The following CSMD1 variants were observed in gnomAD, a reference collection of about 807,000 sequenced individuals.
CSMD1 encodes the protein CUB and sushi domain-containing protein 1.
CSMD1 carries 213 observed loss-of-function variants against 417.5 expected under a neutral mutation model. That is an observed-to-expected ratio of 0.51 (90% CI 0.46 to 0.57). The LOEUF (loss-of-function observed/expected upper bound fraction) is 0.57, where lower values mean the gene tolerates loss of function less well. Ranked by LOEUF, CSMD1 falls within the 20% of genes least tolerant of loss-of-function variation. The pLI, the probability that CSMD1 is intolerant of heterozygous loss-of-function variation, is 0.00. For synonymous variants in CSMD1, 2,862 were observed against 1,736.8 expected (o/e 1.65, Z -16.11); for missense variants, 6,923 against 4,529.7 (o/e 1.53, Z -15.17).
rs781523536 is a variant in CSMD1, at chr8:3,369,355, T to C, written c.2798A>G (p.Tyr933Cys). ...GACTGTTCCACTCTTCCCTTGGATG[T>C]AGCCTCCACATAGAGCTTAAAATAA... ...LPSCDALCGG[Y>C]IQGKSGTVLS... Residue 933 changes from tyrosine (Y) to cysteine (C), a missense_variant, in exon 19 of 70, where the codon TAC becomes TGC. By Grantham distance (194) the Tyr-to-Cys change is radical (BLOSUM62 -2). Coordinates refer to ENST00000635120, the MANE Select transcript of CSMD1 (RefSeq NM_033225.6). The C allele has an allele frequency of 3.8e-6, 6 of 1,563,490 alleles. No homozygotes were observed. Among genetic ancestry groups the C allele is most frequent in the East Asian group, 2.2e-5 (1 of 44,580 alleles).
chr8:4,575,603 G>C, intron 2 of CSMD1, among the ~76,000 whole-genome samples: 1 of 152,122 alleles, frequency 6.6e-6, no homozygotes, highest in Admixed American at 6.5e-5. Context: ...ATTATGATAT[G>C]GTAGACATGT....
At chr8:4,904,590 C>G (rs1025479716) in intron 1 of CSMD1, among the ~76,000 whole-genome samples, 1 of 152,050 alleles carries the variant, frequency 6.6e-6, no homozygotes. Context: ...TAGTGAATAT[C>G]ATTAAGCACA....
At position 4,372,494 on chromosome 8, in the gene CSMD1, C is replaced by CAAA. The variant is rs71534395; in HGVS notation, c.415+47456_415+47458dup. On this transcript the variant is annotated intron_variant, in intron 3 of 69. Coordinates refer to ENST00000635120, the MANE Select transcript of CSMD1 (RefSeq NM_033225.6). ...TAAGTGTCACTTAAAACAACAACAACAAAAAACAGAAAAAAAGTCCTCTAA... is the reference window on the plus strand; with the variant it reads ...TAAGTGTCACTTAAAACAACAACAACAAAAAAAAACAGAAAAAAAGTCCTCTAA... Among the ~76,000 whole-genome samples the CAAA allele has an allele frequency of 2.0e-4, 31 of 151,508 alleles. No individual in the cohort carries two copies. The South Asian group carries it at 3.1e-3, about 15-fold the overall frequency.
chr8:4,004,967 A>G (rs1815992048), intron 4 of CSMD1, among the ~76,000 whole-genome samples: 1 of 152,124 alleles, frequency 6.6e-6, no homozygotes, highest in Non-Finnish European at 1.5e-5. Flanking sequence ...GATGGTCTCA[A>G]TCTCCTGACC....
At chr8:4,044,553 C>A (rs955937497) in intron 3 of CSMD1, among the ~76,000 whole-genome samples, 2 of 152,176 alleles carry the variant, frequency 1.3e-5, no homozygotes, top group Admixed American at 1.3e-4. Context: ...ATCTGTGATT[C>A]TACCACGGCA....
At chr8:3,532,769 T>C (rs1798035586) in intron 10 of CSMD1, among the ~76,000 whole-genome samples, 2 of 152,196 alleles carry the variant, frequency 1.3e-5, no homozygotes, top group Non-Finnish European at 2.9e-5. Context: ...AACATAATAA[T>C]GGTGAAGACT....
chr8:3,549,351 C>G (rs1459698385), intron 10 of CSMD1, among the ~76,000 whole-genome samples: 3 of 152,194 alleles, frequency 2.0e-5, no homozygotes, highest in African/African-American at 4.8e-5. Context: ...TGTTCTAGGC[C>G]AAGTGGTCTC....
At chr8:2,986,252 G>C (rs1805901918) in intron 54 of CSMD1, among the ~76,000 whole-genome samples, 1 of 152,186 alleles carries the variant, frequency 6.6e-6, no homozygotes, top group African/African-American at 2.4e-5. Context: ...CCAGGCACTT[G>C]GCCAAGCATT....
At chr8:3,143,549 T>C (rs1305158197) in intron 40 of CSMD1, among the ~76,000 whole-genome samples, 1 of 152,228 alleles carries the variant, frequency 6.6e-6, no homozygotes, top group Non-Finnish European at 1.5e-5. Flanking sequence ...GAAAACTTAT[T>C]TGACTACTAT....
chr8:4,445,225 T>C (rs1224693670), intron 2 of CSMD1, among the ~76,000 whole-genome samples: 1 of 152,194 alleles, frequency 6.6e-6, no homozygotes, highest in Non-Finnish European at 1.5e-5. Context: ...CTTCATTGTT[T>C]GACCATTATT....
At chr8:3,080,348 G>C (rs550734045) in intron 49 of CSMD1, among the ~76,000 whole-genome samples, 1 of 152,340 alleles carries the variant, frequency 6.6e-6, no homozygotes, top group East Asian at 1.9e-4. Context: ...TTTAAGGCAG[G>C]AAATGAAGCC....
intron 5 of CSMD1, among the ~76,000 whole-genome samples, chr8:3,891,148 A>C (rs1161504379): frequency 1.3e-5 from 2 of 151,918 alleles, no homozygotes; most frequent in Non-Finnish European, 2.9e-5. Flanking sequence ...TCTTGGGCTT[A>C]AGTGATCCTC....
At chr8:3,311,286 G>A (rs1365779231) in intron 23 of CSMD1, among the ~76,000 whole-genome samples, 4 of 152,008 alleles carry the variant, frequency 2.6e-5, no homozygotes, top group Admixed American at 6.6e-5. Flanking sequence ...CAGTCTGTCT[G>A]TTGCCCAGGC....
chr8:4,012,377 C>G (rs568622034), intron 4 of CSMD1, among the ~76,000 whole-genome samples: 1 of 152,192 alleles, frequency 6.6e-6, no homozygotes, highest in East Asian at 1.9e-4. Flanking sequence ...TCATTCATTG[C>G]CTTGTTGATC....
chr8:4,845,935 A>G (rs549174295), intron 1 of CSMD1, among the ~76,000 whole-genome samples: 1 of 152,306 alleles, frequency 6.6e-6, no homozygotes, highest in Non-Finnish European at 1.5e-5. Flanking sequence ...AACTTTGCCT[A>G]TTTTGCATAC....
At chr8:4,841,033 G>C (rs948743744) in intron 1 of CSMD1, among the ~76,000 whole-genome samples, 2 of 152,186 alleles carry the variant, frequency 1.3e-5, no homozygotes, top group Non-Finnish European at 2.9e-5. Flanking sequence ...GCTCCACCCT[G>C]TCAGCACCAA....
At chr8:3,041,414 A>C (rs545657052) in intron 50 of CSMD1, among the ~76,000 whole-genome samples, 1 of 152,330 alleles carries the variant, frequency 6.6e-6, no homozygotes, top group African/African-American at 2.4e-5. Context: ...AATATGCTTG[A>C]AAAGGCGCTA....
At chr8:3,087,682 GA>G (rs1814642989) in intron 48 of CSMD1, among the ~76,000 whole-genome samples, 1 of 152,216 alleles carries the variant, frequency 6.6e-6, no homozygotes, top group African/African-American at 2.4e-5. Context: ...AATGTTTTAA[GA>G]AAGTTTACAA....
chr8:3,615,487 T>C (rs1455367752), intron 8 of CSMD1, among the ~76,000 whole-genome samples: 2 of 152,298 alleles, frequency 1.3e-5, no homozygotes, highest in East Asian at 1.9e-4. Flanking sequence ...CTTCTTAATA[T>C]ATTAGTCAAG....
Sources: gnomAD v4.1 joint callset for allele counts (sites outside exome capture counted in the v4.1 genomes callset) on GRCh38, gnomAD v4.1.1 for gene constraint, MANE v1.5 for transcripts, NCBI Gene and HGNC (gene_info 2026-07-23, HGNC 2026-07-21) for gene names.